Variants in PREX1 observed in about 807,000 individuals in gnomAD.
PREX1 encodes the protein phosphatidylinositol-3,4,5-trisphosphate dependent Rac exchange factor 1.
In PREX1, 41 loss-of-function variants were observed where a neutral mutation model predicts 198.3. That is an observed-to-expected ratio of 0.21 (90% CI 0.16 to 0.27). The LOEUF (loss-of-function observed/expected upper bound fraction) is 0.27. Among genes scored for constraint, PREX1 ranks in the 10% least tolerant of loss-of-function variants. The probability of loss-of-function intolerance (pLI) is 1.00; values close to 1 mark genes in which losing one functional copy is unlikely to be tolerated. For missense variants in PREX1, 1,620 were observed against 2,200.7 expected (o/e 0.74, Z 5.28); for synonymous variants, 843 against 887.2 (o/e 0.95, Z 0.89).
At chr20:48,759,164 G>A (rs533250210) in intron 1 of PREX1, among the ~76,000 whole-genome samples, 54 of 152,122 alleles carry the variant, frequency 3.5e-4, no homozygotes, top group Non-Finnish European at 6.8e-4. Flanking sequence ...TGTGACCTAG[G>A]CAACTGACTC....
At chr20:48,798,127 C>T (rs1378488537) in intron 1 of PREX1, among the ~76,000 whole-genome samples, 2 of 152,176 alleles carry the variant, frequency 1.3e-5, no homozygotes, top group Non-Finnish European at 2.9e-5. Context: ...GGAATGTCCT[C>T]AAGTCTGCCG....
chr20:48,631,046 A>AG (rs1176642271), intron 35 of PREX1, among the ~76,000 whole-genome samples: 2 of 152,048 alleles, frequency 1.3e-5, no homozygotes, highest in African/African-American at 4.8e-5. Flanking sequence ...AGCAGCCCCC[A>AG]GCCCTCTGCT....
chr20:48,687,046 G>A (rs1335767176), intron 10 of PREX1, among the ~76,000 whole-genome samples: 1 of 152,094 alleles, frequency 6.6e-6, no homozygotes, highest in African/African-American at 2.4e-5. Flanking sequence ...CCACTCAGAG[G>A]TCTCTGCCCC....
chr20:48,655,686 G>A (rs1428173223), intron 18 of PREX1, among the ~76,000 whole-genome samples: 1 of 152,116 alleles, frequency 6.6e-6, no homozygotes, highest in Non-Finnish European at 1.5e-5. Context: ...GACCCTTGGA[G>A]GTGAGACCAG....
intron 37 of PREX1, among the ~76,000 whole-genome samples, chr20:48,628,997 C>G (rs2089293438): frequency 1.3e-5 from 2 of 152,022 alleles, no homozygotes; most frequent in Admixed American, 6.5e-5. Flanking sequence ...TGGGAGGGCA[C>G]TGAGTGGGGA....
chr20:48,822,766 A>G (rs2090492119), intron 1 of PREX1, among the ~76,000 whole-genome samples: 1 of 152,234 alleles, frequency 6.6e-6, no homozygotes, highest in Non-Finnish European at 1.5e-5. Flanking sequence ...CCTTATACAT[A>G]TAACACACGT....
At chr20:48,664,980 T>C (rs1161324032) in intron 15 of PREX1, among the ~76,000 whole-genome samples, 1 of 136,434 alleles carries the variant, frequency 7.3e-6, no homozygotes, top group African/African-American at 2.8e-5. Flanking sequence ...TGAATTCTAA[T>C]CCCGCCCCAG....
At chr20:48,807,582 CTT>C (rs1197596370) in intron 1 of PREX1, among the ~76,000 whole-genome samples, 4 of 151,150 alleles carry the variant, frequency 2.6e-5, no homozygotes, top group Admixed American at 2.6e-4. Context: ...CTTTTTTTTT[CTT>C]GTTTCTATAG....
At chr20:48,728,529 C>G (rs2090019598) in intron 4 of PREX1, among the ~76,000 whole-genome samples, 1 of 152,242 alleles carries the variant, frequency 6.6e-6, no homozygotes, top group African/African-American at 2.4e-5. Context: ...GTGTTTACCC[C>G]TGGCACAGAT....
chr20:48,789,254 C>T (rs185495334), intron 1 of PREX1, among the ~76,000 whole-genome samples: 3 of 152,300 alleles, frequency 2.0e-5, no homozygotes, highest in East Asian at 3.9e-4. Context: ...CTTCACAGTG[C>T]GATCTACCAT....
At chr20:48,885,547 G>C in the PREX1 span, among the ~76,000 whole-genome samples, 3 of 152,132 alleles carry the variant, frequency 2.0e-5, no homozygotes, top group South Asian at 6.2e-4. Context: ...CAATCACACT[G>C]TTTGGTATTT....
intron 1 of PREX1, among the ~76,000 whole-genome samples, chr20:48,758,197 C>T (rs1405576803): frequency 1.3e-5 from 2 of 152,160 alleles, no homozygotes; most frequent in South Asian, 2.1e-4. Flanking sequence ...CCAGACAGAC[C>T]GTGTGGAACG....
intron 9 of PREX1, 25 bp downstream of exon 9, chr20:48,690,922 C>T (rs570107822): frequency 1.6e-5 from 26 of 1,612,734 alleles, no homozygotes; most frequent in East Asian, 1.1e-4. Flanking sequence ...GGATCCCAGG[C>T]GAGCACCCCA....
intron 39 of PREX1, 56 bp from the exon 40 acceptor site, chr20:48,625,983 GTATT>G (rs1253128920): frequency 6.9e-7 from 1 of 1,449,042 alleles, no homozygotes; most frequent in Admixed American, 3.0e-5. Context: ...GGACCTATTT[GTATT>G]ATTTCCATTT....
chr20:48,849,239 A>T, the PREX1 span, among the ~76,000 whole-genome samples: 1 of 152,080 alleles, frequency 6.6e-6, no homozygotes, highest in Admixed American at 6.6e-5. Context: ...TTTTCTATAG[A>T]TATATATATA....
At chr20:48,687,019 C>CCTT in intron 10 of PREX1, among the ~76,000 whole-genome samples, 1 of 152,322 alleles carries the variant, frequency 6.6e-6, no homozygotes, top group Middle Eastern at 3.4e-3. Context: ...AGGAGTGCCA[C>CCTT]CTTCTCGCCA....
At chr20:48,780,918 C>T (rs2090286602) in intron 1 of PREX1, among the ~76,000 whole-genome samples, 1 of 152,214 alleles carries the variant, frequency 6.6e-6, no homozygotes, top group Admixed American at 6.5e-5. Context: ...AACATCTCCC[C>T]TTGAACATAT....
intron 1 of PREX1, among the ~76,000 whole-genome samples, chr20:48,825,527 G>A (rs2090505034): frequency 6.6e-6 from 1 of 151,974 alleles, no homozygotes; most frequent in Non-Finnish European, 1.5e-5. Flanking sequence ...TAATAAGAAT[G>A]GTTGGCTCCA....
At chr20:48,723,177 G>C (rs943159058) in intron 5 of PREX1, among the ~76,000 whole-genome samples, 3 of 152,190 alleles carry the variant, frequency 2.0e-5, no homozygotes, top group Non-Finnish European at 2.9e-5. Flanking sequence ...TTCCTACCCA[G>C]GCTCCTCAAC....
Sources: allele counts gnomAD v4.1 joint callset (sites outside exome capture counted in the v4.1 genomes callset), GRCh38; gene constraint gnomAD v4.1.1; transcripts MANE v1.5; gene names NCBI Gene and HGNC (gene_info 2026-07-23, HGNC 2026-07-21).